CAMK2D: variants seen among roughly 807,000 people sequenced by gnomAD.
CAMK2D encodes calcium/calmodulin dependent protein kinase II delta.
A neutral mutation model predicts 84.0 loss-of-function variants in CAMK2D; 37 were observed. The observed-to-expected ratio is 0.44, with a 90% confidence interval of 0.34 to 0.58. The LOEUF (loss-of-function observed/expected upper bound fraction) is 0.58. Ranked by LOEUF, CAMK2D falls within the 20% of genes least tolerant of loss-of-function variation. The pLI is 0.02. For missense variants in CAMK2D, 448 were observed against 652.5 expected, an observed-to-expected ratio of 0.69 and a Z score of 3.41; for synonymous variants, 202 against 212.5, an observed-to-expected ratio of 0.95 and a Z score of 0.43.
At chr4:113,685,411 A>G (rs770147631) in intron 2 of CAMK2D, among the ~76,000 whole-genome samples, 1 of 151,404 alleles carries the variant, frequency 6.6e-6, no homozygotes, top group African/African-American at 2.4e-5. Context: ...GGTAATTTTC[A>G]TATTTTTTGG....
chr4:113,601,882 A>G (rs2098954728), intron 4 of CAMK2D, among the ~76,000 whole-genome samples: 2 of 151,324 alleles, frequency 1.3e-5, no homozygotes, highest in Non-Finnish European at 2.9e-5. Flanking sequence ...TTTTTTGTAG[A>G]CAAAGAGTCT....
At chr4:113,642,543 T>G in intron 3 of CAMK2D, among the ~76,000 whole-genome samples, 1 of 152,200 alleles carries the variant, frequency 6.6e-6, no homozygotes, top group East Asian at 1.9e-4. Context: ...TAAGGCTGAA[T>G]TAAACCCAAA....
At chr4:113,709,907 G>C (rs934737379) in intron 2 of CAMK2D, among the ~76,000 whole-genome samples, 11 of 150,172 alleles carry the variant, frequency 7.3e-5, no homozygotes, top group Admixed American at 2.0e-4. Flanking sequence ...TTTAATGCCA[G>C]GCACGGGGGT....
chr4:113,489,640 C>A (rs1232386540), intron 16 of CAMK2D, among the ~76,000 whole-genome samples: 1 of 149,416 alleles, frequency 6.7e-6, no homozygotes, highest in African/African-American at 2.5e-5. Context: ...GATTTATAGT[C>A]CTTTGGGTAT....
chr4:113,758,828 TAGC>T (rs762070917), intron 2 of CAMK2D, among the ~76,000 whole-genome samples: 1 of 152,182 alleles, frequency 6.6e-6, no homozygotes, highest in Non-Finnish European at 1.5e-5. Context: ...TCCTAGAATA[TAGC>T]AATCATAAAT....
intron 2 of CAMK2D, among the ~76,000 whole-genome samples, chr4:113,675,666 C>A (rs1430754548): frequency 6.6e-6 from 1 of 151,796 alleles, no homozygotes; most frequent in African/African-American, 2.4e-5. Context: ...AAAAAACATG[C>A]GACTACTATG....
chr4:113,638,980 C>T (rs764341824), intron 3 of CAMK2D, among the ~76,000 whole-genome samples: 1 of 151,842 alleles, frequency 6.6e-6, no homozygotes, highest in Non-Finnish European at 1.5e-5. Context: ...CGGTGGTTCA[C>T]GCCTGTAATC....
chr4:113,684,024 T>C (rs2099352852), intron 2 of CAMK2D, among the ~76,000 whole-genome samples: 1 of 152,196 alleles, frequency 6.6e-6, no homozygotes, highest in South Asian at 2.1e-4. Context: ...TAACAGCACC[T>C]ACCTCATGGA....
chr4:113,503,374 T>C, intron 14 of CAMK2D: 1 of 484,790 alleles, frequency 2.1e-6, no homozygotes, highest in South Asian at 1.6e-5. Flanking sequence ...TGAGATGATT[T>C]CAAATTCTCA....
intron 2 of CAMK2D, among the ~76,000 whole-genome samples, chr4:113,668,350 G>C (rs1161665569): frequency 6.6e-6 from 1 of 152,098 alleles, no homozygotes; most frequent in African/African-American, 2.4e-5. Context: ...TGCTATCCTG[G>C]TTCTACCACT....
intron 16 of CAMK2D, among the ~76,000 whole-genome samples, chr4:113,496,105 T>C (rs1055965908): frequency 2.0e-5 from 3 of 152,138 alleles, no homozygotes; most frequent in Non-Finnish European, 4.4e-5. Flanking sequence ...CAAAGGACGG[T>C]CTTCACATGT....
chr4:113,566,073 C>T (rs770465445), intron 4 of CAMK2D, among the ~76,000 whole-genome samples: 12 of 152,026 alleles, frequency 7.9e-5, no homozygotes, highest in Non-Finnish European at 1.3e-4. Context: ...TCAGTTGCCA[C>T]TAAGAATAGG....
chr4:113,654,048 T>C (rs1338532445), intron 3 of CAMK2D, among the ~76,000 whole-genome samples: 1 of 152,024 alleles, frequency 6.6e-6, no homozygotes, highest in Non-Finnish European at 1.5e-5. Flanking sequence ...TTTTACAGGA[T>C]GACATCATAT....
intron 2 of CAMK2D, among the ~76,000 whole-genome samples, chr4:113,682,796 T>C (rs2099349457): frequency 6.6e-6 from 1 of 152,192 alleles, no homozygotes; most frequent in African/African-American, 2.4e-5. Flanking sequence ...TCTAAGCAAA[T>C]GTTTTAAATA....
chr4:113,488,673 T>G (rs1025254014), intron 16 of CAMK2D, among the ~76,000 whole-genome samples: 1 of 152,224 alleles, frequency 6.6e-6, no homozygotes, highest in African/African-American at 2.4e-5. Context: ...AATGCTACAT[T>G]ATTTTTGCTG....
intron 3 of CAMK2D, among the ~76,000 whole-genome samples, chr4:113,651,423 G>A (rs1351389184): frequency 6.6e-6 from 1 of 152,104 alleles, no homozygotes; most frequent in African/African-American, 2.4e-5. Context: ...CTTTTCTACT[G>A]TGGCAAATTC....
Position 113,454,519 on chromosome 4 carries a change from A to G in CAMK2D, c.*30-4T>C, listed in dbSNP as rs1393914796. 3.9e-6 allele frequency: 3 copies of G among 778,762 alleles called. No homozygotes were observed. Among genetic ancestry groups the G allele is most frequent in the Admixed American group, 3.4e-5 (2 of 58,862 alleles). 48.2% of individuals were successfully genotyped at this position (778,762 alleles called of 1,614,324 possible). The stretch of plus-strand genomic sequence containing the variant: ...AAGTGGCACTGTTGAAATTTAGCTG[A>G]AAGGAGAAAGGGGGAGGAAGAAATA... On this transcript the variant is annotated splice_polypyrimidine_tract_variant and splice_region_variant and intron_variant, in intron 20 of 20. Coordinates refer to ENST00000511664, the MANE Select transcript of CAMK2D (RefSeq NM_001321571.2).
intron 2 of CAMK2D, among the ~76,000 whole-genome samples, chr4:113,672,063 T>G (rs994234131): frequency 3.3e-5 from 5 of 152,128 alleles, no homozygotes; most frequent in Non-Finnish European, 5.9e-5. Context: ...AAGTAGAAGA[T>G]GAGAATGTAT....
intron 18 of CAMK2D, 100 bp downstream of exon 18, chr4:113,460,047 T>C: frequency 2.7e-6 from 2 of 741,904 alleles, no homozygotes; most frequent in East Asian, 2.5e-5. Flanking sequence ...TGGATGAAGG[T>C]AAAAACTCTC....
Sources: allele counts gnomAD v4.1 joint callset (sites outside exome capture counted in the v4.1 genomes callset), GRCh38; gene constraint gnomAD v4.1.1; transcripts MANE v1.5; gene names NCBI Gene and HGNC (gene_info 2026-07-23, HGNC 2026-07-21).